Variants in TRAPPC3L observed in about 807,000 individuals in gnomAD.
TRAPPC3L encodes trafficking protein particle complex subunit 3L.
TRAPPC3L carries 23 observed loss-of-function variants against 23.7 expected under a neutral mutation model. The ratio of observed to expected loss-of-function variants is 0.97; its 90% CI spans 0.70 to 1.37. The LOEUF (loss-of-function observed/expected upper bound fraction) is 1.37. Among genes scored for constraint, TRAPPC3L ranks in the 40% most tolerant of loss-of-function variants. TRAPPC3L has a pLI of 0.00. For missense variants in TRAPPC3L, 212 were observed against 216.8 expected, an observed-to-expected ratio of 0.98 and a Z score of 0.14; for synonymous variants, 81 against 77.9, an observed-to-expected ratio of 1.04 and a Z score of -0.21.
intron 2 of TRAPPC3L, among the ~76,000 whole-genome samples, chr6:116,541,817 T>C (rs1321969278): frequency 6.6e-6 from 1 of 151,900 alleles, no homozygotes; most frequent in Non-Finnish European, 1.5e-5. Flanking sequence ...TGAGCTGTGC[T>C]ATATCTACAC....
chr6:116,503,272 C>T (rs1771948603), intron 3 of TRAPPC3L, among the ~76,000 whole-genome samples: 1 of 152,000 alleles, frequency 6.6e-6, no homozygotes, highest in Non-Finnish European at 1.5e-5. Flanking sequence ...TCAAAAGAGA[C>T]AAAGAAGGCC....
chr6:116,510,448 A>ATT (rs34882629), intron 3 of TRAPPC3L, among the ~76,000 whole-genome samples: 33 of 150,716 alleles, frequency 2.2e-4, no homozygotes, highest in South Asian at 8.4e-4. Flanking sequence ...AGCCTGGCTA[A>ATT]TTTTTTTTTG....
chr6:116,532,321 G>A (rs946362306), intron 3 of TRAPPC3L, among the ~76,000 whole-genome samples: 43 of 152,176 alleles, frequency 2.8e-4, no homozygotes, highest in African/African-American at 1.0e-3. Flanking sequence ...GGCAGGTCTC[G>A]AACTCCTGGG....
chr6:116,514,562 C>A (rs1348928907), intron 3 of TRAPPC3L, among the ~76,000 whole-genome samples: 1 of 152,146 alleles, frequency 6.6e-6, no homozygotes, highest in Non-Finnish European at 1.5e-5. Context: ...AGGTGAGTAA[C>A]CCTCGTTTCA....
intron 3 of TRAPPC3L, among the ~76,000 whole-genome samples, chr6:116,512,671 T>A (rs1172592889): frequency 6.6e-6 from 1 of 152,254 alleles, no homozygotes; most frequent in Non-Finnish European, 1.5e-5. Flanking sequence ...TGTAGCTGAA[T>A]GAAATGAGTT....
At chr6:116,509,852 T>G (rs192750449) in intron 3 of TRAPPC3L, among the ~76,000 whole-genome samples, 38 of 152,226 alleles carry the variant, frequency 2.5e-4, no homozygotes, top group African/African-American at 8.7e-4. Flanking sequence ...AAAAAGCTTC[T>G]GCACAGCAAA....
intron 3 of TRAPPC3L, chr6:116,517,452 T>C (rs1269808795): frequency 6.6e-6 from 1 of 152,168 alleles, no homozygotes; most frequent in Non-Finnish European, 1.5e-5. Flanking sequence ...AATTGTGCTT[T>C]AAAAAAGAAC....
At chr6:116,528,010 G>T (rs1424953502) in intron 3 of TRAPPC3L, among the ~76,000 whole-genome samples, 2 of 152,174 alleles carry the variant, frequency 1.3e-5, no homozygotes, top group Non-Finnish European at 2.9e-5. Context: ...GAGCAAAAAT[G>T]ACATCTACAT....
At chr6:116,522,086 G>A (rs1772356198) in intron 3 of TRAPPC3L, 1 of 152,192 alleles carries the variant, frequency 6.6e-6, no homozygotes, top group Non-Finnish European at 1.5e-5. Context: ...TCTAGCTTAG[G>A]GGTCAGGCAT....
intron 3 of TRAPPC3L, among the ~76,000 whole-genome samples, chr6:116,537,477 G>GT (rs939040225): frequency 2.6e-5 from 4 of 151,976 alleles, no homozygotes; most frequent in Non-Finnish European, 4.4e-5. Context: ...AACATTCTGG[G>GT]TTTTTTTCAT....
chr6:116,516,564 A>G (rs1772228069), intron 3 of TRAPPC3L: 1 of 151,488 alleles, frequency 6.6e-6, no homozygotes, highest in Non-Finnish European at 1.5e-5. Context: ...TATACTGAAA[A>G]TACTCCCCTG....
chr6:116,525,914 C>A (rs556655050), intron 3 of TRAPPC3L, among the ~76,000 whole-genome samples: 119 of 152,256 alleles, frequency 7.8e-4, no homozygotes, highest in African/African-American at 2.7e-3. Context: ...ATGGTTTCAA[C>A]AGAACACAAT....
chr6:116,515,518 A>C (rs957415684), intron 3 of TRAPPC3L: 18 of 1,362,288 alleles, frequency 1.3e-5, no homozygotes, highest in Non-Finnish European at 1.8e-5. Context: ...GTAATAATTT[A>C]GCTATACACT....
intron 3 of TRAPPC3L, among the ~76,000 whole-genome samples, chr6:116,532,721 G>T (rs759205837): frequency 2.0e-5 from 3 of 152,124 alleles, no homozygotes; most frequent in African/African-American, 4.8e-5. Flanking sequence ...ACAGCAAATC[G>T]TTGGAAGATC....
chr6:116,510,434 A>AC (rs1374848361), intron 3 of TRAPPC3L, among the ~76,000 whole-genome samples: 1 of 144,038 alleles, frequency 6.9e-6, no homozygotes, highest in Non-Finnish European at 1.5e-5. Context: ...GGTGCATGCC[A>AC]CCGAGCCTGG....
chr6:116,511,818 G>T (rs555848405), intron 3 of TRAPPC3L: 1 of 1,614,028 alleles, frequency 6.2e-7, no homozygotes, highest in South Asian at 1.1e-5. Flanking sequence ...GCTTTTAAGT[G>T]CCCCTGCAGC....
At position 116,521,000 on chromosome 6, in the gene TRAPPC3L, A is replaced by G. The variant is rs1297241645; in HGVS notation, c.240+19363T>C. 8 of 152,100 alleles carry G rather than the reference A, an allele frequency of 5.3e-5. No individual in the cohort carries two copies. In the East Asian group the frequency reaches 1.5e-3, roughly 29 times the overall value. The allele number at this position is 152,100 out of a possible 1,614,324, so 9.4% of individuals were successfully genotyped here. ...ACCTGGGTCTCTCATTTTAATAAAC[A>G]TAACAGTGGTATGTTAGTCAGGGTT... On this transcript the variant is annotated intron_variant, in intron 3 of 4. Transcript: ENST00000368602.
At chr6:116,507,438 T>C (rs1772024930) in intron 3 of TRAPPC3L, among the ~76,000 whole-genome samples, 1 of 152,210 alleles carries the variant, frequency 6.6e-6, no homozygotes, top group Non-Finnish European at 1.5e-5. Context: ...TCTAGAAGTA[T>C]ATAATTCATA....
intron 3 of TRAPPC3L, among the ~76,000 whole-genome samples, chr6:116,533,283 G>A (rs372220653): frequency 1.4e-4 from 22 of 152,054 alleles, no homozygotes; most frequent in African/African-American, 4.8e-4. Flanking sequence ...GAAATTTGTA[G>A]GAAAAAAGAG....
Sources: gnomAD v4.1 joint callset for allele counts (sites outside exome capture counted in the v4.1 genomes callset) on GRCh38, gnomAD v4.1.1 for gene constraint, MANE v1.5 for transcripts, NCBI Gene and HGNC (gene_info 2026-07-23, HGNC 2026-07-21) for gene names.